The following SYNE2 variants were observed in gnomAD, a reference collection of about 807,000 sequenced individuals.
SYNE2 encodes the protein spectrin repeat containing nuclear envelope protein 2, also known as nesprin-2.
Under a neutral mutation model 856.3 loss-of-function variants are expected in SYNE2, and 431 were observed. That is an observed-to-expected ratio of 0.50 (90% CI 0.47 to 0.55). SYNE2 has a LOEUF of 0.55. Ranked by LOEUF, SYNE2 falls within the 20% of genes least tolerant of loss-of-function variation. The pLI is 0.00. For missense variants in SYNE2, 8,129 were observed against 8,023.2 expected, an observed-to-expected ratio of 1.01 and a Z score of -0.50; for synonymous variants, 2,923 against 2,872.3, an observed-to-expected ratio of 1.02 and a Z score of -0.56.
At chr14:63,897,773 C>T (rs2095276698) in intron 1 of SYNE2, among the ~76,000 whole-genome samples, 2 of 152,120 alleles carry the variant, frequency 1.3e-5, no homozygotes, top group Admixed American at 6.6e-5. Flanking sequence ...CCTCAAGGAC[C>T]CCACACCACC....
chr14:64,145,431 C>A (rs757071410), intron 83 of SYNE2, among the ~76,000 whole-genome samples: 1 of 150,724 alleles, frequency 6.6e-6, no homozygotes, highest in African/African-American at 2.4e-5. Context: ...TTGCTTGAAC[C>A]CGGGAGGTGG....
intron 96 of SYNE2, among the ~76,000 whole-genome samples, chr14:64,180,131 GT>G (rs2098451330): frequency 6.6e-6 from 1 of 152,142 alleles, no homozygotes; most frequent in Admixed American, 6.5e-5. Flanking sequence ...ATTGTCTAAT[GT>G]CAAATACCAA....
intron 68 of SYNE2, among the ~76,000 whole-genome samples, chr14:64,121,733 T>C (rs2097900368): frequency 1.3e-5 from 2 of 152,224 alleles, no homozygotes; most frequent in Admixed American, 6.5e-5. Flanking sequence ...CAGGGTGAAC[T>C]TCTGTAGTTG....
At chr14:64,033,432 A>C (rs1344860697) in intron 45 of SYNE2, among the ~76,000 whole-genome samples, 1 of 152,128 alleles carries the variant, frequency 6.6e-6, no homozygotes, top group Non-Finnish European at 1.5e-5. Flanking sequence ...TAATCTCAGC[A>C]CGTGAGGAGG....
At chr14:63,924,343 C>T (rs2095634560) in intron 2 of SYNE2, among the ~76,000 whole-genome samples, 1 of 151,954 alleles carries the variant, frequency 6.6e-6, no homozygotes, top group South Asian at 2.1e-4. Flanking sequence ...TATCCTGAGT[C>T]ACTTGCATTT....
At chr14:64,047,580 A>G (rs764639773) in intron 45 of SYNE2, among the ~76,000 whole-genome samples, 16 of 152,210 alleles carry the variant, frequency 1.1e-4, no homozygotes, top group South Asian at 4.1e-4. Flanking sequence ...TCCTGTTGCT[A>G]TAATTAATAT....
chr14:64,079,888 C>T (rs916963737), intron 55 of SYNE2, among the ~76,000 whole-genome samples: 10 of 152,046 alleles, frequency 6.6e-5, no homozygotes, highest in Admixed American at 5.2e-4. Flanking sequence ...TTTGTAGAGA[C>T]GGTGTTTCCC....
intron 85 of SYNE2, among the ~76,000 whole-genome samples, chr14:64,153,461 G>A (rs1177745493): frequency 2.6e-5 from 4 of 152,124 alleles, no homozygotes; most frequent in African/African-American, 9.7e-5. Flanking sequence ...AACCTTCATT[G>A]TGGGTTGTCA....
rs765480562 is a variant in SYNE2 at position 63,950,002 on chromosome 14, G to A, written c.586G>A (p.Ala196Thr). ...ALLLWAQEQC[A>T]TYESVNVTDF... ...TCTTTTGTGGGCTCAGGAACAATGC[G>A]CCACGTAAGTAGTTTGCTATGACCC... The change falls in exon 7 of 116, where the codon GCC (alanine) becomes ACC (threonine). Residue 196 changes from alanine to threonine, a missense_variant. Transcript: ENST00000555002. 19 of 1,613,980 alleles carry A rather than the reference G, an allele frequency of 1.2e-5. No homozygotes were observed. The East Asian group carries it at 2.5e-4, about 21-fold the overall frequency.
In SYNE2 at chr14:64,151,420, T is replaced by TAA. The variant is rs540541655; in HGVS notation, c.15640-1119_15640-1118dup. 3.1e-4 allele frequency among the ~76,000 whole-genome samples: 6 copies of TAA among 19,340 alleles called. 1 individual carries two copies. Among genetic ancestry groups the TAA allele is most frequent in the African/African-American group, 1.4e-3 (6 of 4,304 alleles). 12.7% of individuals were successfully genotyped at this position (19,340 alleles called of 152,430 possible). On this transcript the variant is annotated intron_variant, in intron 84 of 115. Coordinates refer to ENST00000555002, the MANE Select transcript of SYNE2 (RefSeq NM_182914.3). ...CATGCAGTGATTCTTACAAAGGATT[T>TAA]AAAAAAAAAAAAAAAAAAAAAAAAA...
chr14:63,864,263 A>C (rs1894603902), intron 1 of SYNE2: 1 of 152,246 alleles, frequency 6.6e-6, no homozygotes, highest in African/African-American at 2.4e-5. Flanking sequence ...AAAGAAAATA[A>C]GTTACCTTTG....
At chr14:63,783,234 T>G (rs562654137) in intron 1 of SYNE2, among the ~76,000 whole-genome samples, 7 of 152,344 alleles carry the variant, frequency 4.6e-5, no homozygotes, top group Admixed American at 2.6e-4. Context: ...CCTCCTGCGC[T>G]AATTCTCCTT....
At chr14:63,995,716 A>G (rs2096707808) in intron 23 of SYNE2, among the ~76,000 whole-genome samples, 1 of 140,028 alleles carries the variant, frequency 7.1e-6, no homozygotes, top group Non-Finnish European at 1.5e-5. Flanking sequence ...GCTTTATATA[A>G]TTCTATATCT....
At chr14:64,211,827 C>T (rs893155856) in intron 103 of SYNE2, 134 bp from the exon 104 acceptor site, 5 of 1,334,648 alleles carry the variant, frequency 3.7e-6, no homozygotes, top group Admixed American at 1.7e-5. Flanking sequence ...CTGGGGCTTT[C>T]TGGGTACCCT....
intron 45 of SYNE2, 45 bp downstream of exon 45, chr14:64,031,402 G>GAAGAGGTATTTGGCTCTGAA: frequency 6.4e-7 from 1 of 1,564,028 alleles, no homozygotes; most frequent in Non-Finnish European, 8.8e-7. Flanking sequence ...GTCTGAGAAT[G>GAAGAGGTATTTGGCTCTGAA]AAGAGGTATT....
At position 64,225,471 on chromosome 14, in the gene SYNE2, T is replaced by C. The variant is rs1298804860; in HGVS notation, c.20669T>C (p.Phe6890Ser). 2 of 1,614,070 alleles carry C rather than the reference T, an allele frequency of 1.2e-6. No individual in the cohort carries two copies. Among genetic ancestry groups the C allele is most frequent in the Non-Finnish European group, 1.7e-6 (2 of 1,180,020 alleles). ...TACAGCTGCACTCAGGCCAACAACT[T>C]TGCCCGGTCCTTTTACCCCATGCTG... ...EDYSCTQANN[F>S]ARSFYPMLRY... The change falls in exon 116 of 116, where the codon TTT (phenylalanine) becomes TCT (serine). Residue 6890 changes from phenylalanine to serine, a missense_variant. Transcript: ENST00000555002.
Position 64,093,353 on chromosome 14 carries a change from TCA to T in SYNE2, c.11982_11983del (p.Ile3995LysfsTer5). 6.2e-7 allele frequency: 1 copy of T among 1,613,676 alleles called. No homozygotes were observed. Among genetic ancestry groups the T allele is most frequent in the Non-Finnish European group, 8.5e-7 (1 of 1,179,740 alleles). On this transcript the variant is annotated frameshift_variant, in exon 61 of 116. Transcript: ENST00000555002. LOFTEE classifies it high-confidence loss of function. Reference sequence around the variant, plus strand: ...TTTGTGGGGGTTATTTTATAGGTAGTCATAAAACAGACCAATGAATGGGATGA... The same window carrying T: ...TTTGTGGGGGTTATTTTATAGGTAGTTAAAACAGACCAATGAATGGGATGA...
At chr14:64,010,361 A>T (rs1484964094) in intron 32 of SYNE2, among the ~76,000 whole-genome samples, 1 of 152,068 alleles carries the variant, frequency 6.6e-6, no homozygotes, top group African/African-American at 2.4e-5. Flanking sequence ...GTTTCTGCTC[A>T]CCCCTGCTGC....
chr14:64,199,713 CAAA>C (rs34710996), intron 99 of SYNE2, among the ~76,000 whole-genome samples: 1 of 66,062 alleles, frequency 1.5e-5, no homozygotes, highest in South Asian at 4.9e-4. Flanking sequence ...GACTCTGTCT[CAAA>C]AAAAAAAAAA....
Sources: gnomAD v4.1 joint callset for allele counts (sites outside exome capture counted in the v4.1 genomes callset) on GRCh38, gnomAD v4.1.1 for gene constraint, MANE v1.5 for transcripts, NCBI Gene and HGNC (gene_info 2026-07-23, HGNC 2026-07-21) for gene names.